The following SNX30 variants were observed in gnomAD, a reference collection of about 807,000 sequenced individuals.
SNX30 encodes sorting nexin family member 30, also known as sorting nexin-30.
SNX30 carries 24 observed loss-of-function variants against 46.4 expected under a neutral mutation model. The observed-to-expected ratio is 0.52, with a 90% CI of 0.37 to 0.73. The LOEUF (loss-of-function observed/expected upper bound fraction) is 0.73. Ranked by LOEUF, SNX30 falls within the 30% of genes least tolerant of loss-of-function variation. SNX30 has a pLI of 0.00. For missense variants in SNX30, 533 were observed against 555.7 expected (o/e 0.96, Z 0.41); for synonymous variants, 189 against 211.5 (o/e 0.89, Z 0.92).
At chr9:112,836,862 C>T (rs1038657809) in intron 5 of SNX30, among the ~76,000 whole-genome samples, 1 of 152,184 alleles carries the variant, frequency 6.6e-6, no homozygotes, top group Non-Finnish European at 1.5e-5. Context: ...AATTGACTCA[C>T]CCACCCCACC....
chr9:112,836,084 G>C, intron 4 of SNX30, 130 bp from the exon 5 acceptor site: 1 of 848,142 alleles, frequency 1.2e-6, no homozygotes, highest in Non-Finnish European at 1.8e-6. Flanking sequence ...TGTGATTAGA[G>C]CCTCTAACTC....
At chr9:112,821,427 G>A (rs574706579) in intron 3 of SNX30, among the ~76,000 whole-genome samples, 2 of 151,718 alleles carry the variant, frequency 1.3e-5, no homozygotes, top group African/African-American at 4.8e-5. Flanking sequence ...ATATATATAT[G>A]TGTGTTTGTA....
At chr9:112,750,644 GTCCT>G (rs1839249135), upstream of SNX30, among the ~76,000 whole-genome samples, 7 of 151,608 alleles carry the variant, frequency 4.6e-5, no homozygotes, top group South Asian at 1.5e-3. Flanking sequence ...CCCTCCCTCC[GTCCT>G]TCCTTCCCCA....
chr9:112,769,188 T>C (rs1361304754), intron 1 of SNX30, among the ~76,000 whole-genome samples: 2 of 152,236 alleles, frequency 1.3e-5, no homozygotes, highest in Admixed American at 1.3e-4. Flanking sequence ...TCTGTTTGTG[T>C]CTGTCCTGCG....
intron 7 of SNX30, among the ~76,000 whole-genome samples, chr9:112,860,612 A>G (rs1841210401): frequency 6.6e-6 from 1 of 152,226 alleles, no homozygotes; most frequent in South Asian, 2.1e-4. Context: ...TGTTAGAGCC[A>G]CAACCCCAGT....
At chr9:112,838,147 C>T (rs1344046157) in intron 5 of SNX30, among the ~76,000 whole-genome samples, 1 of 151,996 alleles carries the variant, frequency 6.6e-6, no homozygotes, top group Non-Finnish European at 1.5e-5. Flanking sequence ...ACCTTGGCCT[C>T]CTAAAGTGCT....
chr9:112,773,608 AAAGG>A (rs1375635779), intron 1 of SNX30, among the ~76,000 whole-genome samples: 2 of 152,198 alleles, frequency 1.3e-5, no homozygotes, highest in Non-Finnish European at 1.5e-5. Context: ...AGATGAAAGA[AAAGG>A]AAGAATGCTT....
chr9:112,753,921 G>T (rs1359805235), intron 1 of SNX30, among the ~76,000 whole-genome samples: 1 of 152,250 alleles, frequency 6.6e-6, no homozygotes, highest in Non-Finnish European at 1.5e-5. Flanking sequence ...AGAGCCAGAA[G>T]AAGGAAGCCT....
intron 1 of SNX30, among the ~76,000 whole-genome samples, chr9:112,783,586 A>G (rs1291330465): frequency 2.6e-5 from 4 of 152,116 alleles, no homozygotes; most frequent in Non-Finnish European, 4.4e-5. Context: ...TGTGGTTTTG[A>G]GTCAACTCAT....
intron 1 of SNX30, among the ~76,000 whole-genome samples, chr9:112,778,625 A>T (rs79816574): frequency 5.8e-4 from 88 of 152,292 alleles, no homozygotes; most frequent in Non-Finnish European, 1.1e-3. Flanking sequence ...ATTCACCAGG[A>T]TGGGTTGATA....
At chr9:112,832,182 T>C (rs1433121652) in intron 4 of SNX30, among the ~76,000 whole-genome samples, 2 of 151,808 alleles carry the variant, frequency 1.3e-5, no homozygotes, top group Admixed American at 1.3e-4. Context: ...TTTCCCCCCC[T>C]ACAGGTTGGA....
At chr9:112,844,282 G>T (rs1286387121) in intron 6 of SNX30, among the ~76,000 whole-genome samples, 4 of 152,224 alleles carry the variant, frequency 2.6e-5, no homozygotes, top group African/African-American at 9.7e-5. Flanking sequence ...GTCCAGGGAG[G>T]AACAGGTGGA....
intron 4 of SNX30, among the ~76,000 whole-genome samples, chr9:112,832,787 TTAAAA>T (rs890656591): frequency 1.6e-4 from 23 of 145,850 alleles, no homozygotes; most frequent in African/African-American, 5.7e-4. Flanking sequence ...AATAAAAAAT[TTAAAA>T]AAAATTAGAA....
chr9:112,789,511 T>C (rs1041623374), intron 1 of SNX30, among the ~76,000 whole-genome samples: 1 of 152,200 alleles, frequency 6.6e-6, no homozygotes, highest in Non-Finnish European at 1.5e-5. Flanking sequence ...CTATATTCTG[T>C]TTTGTTTGGT....
chr9:112,874,412 T>A lies in SNX30; in HGVS notation c.*5569T>A, dbSNP rs1403706731. The A allele has an allele frequency of 2.0e-5, 3 of 152,240 alleles. No individual in the cohort carries two copies. Among genetic ancestry groups the A allele is most frequent in the African/African-American group, 7.2e-5 (3 of 41,470 alleles). The allele number at this position is 152,240 out of a possible 1,614,324, so 9.4% of individuals were successfully genotyped here. ...CCTGTGAAATAAACTGCCAGCAAACTTTCTAACTTGTATTTTAACTGTTAA... is the reference window on the plus strand; with the variant it reads ...CCTGTGAAATAAACTGCCAGCAAACATTCTAACTTGTATTTTAACTGTTAA... On this transcript the variant is annotated 3_prime_UTR_variant, in exon 9 of 9. Coordinates refer to ENST00000374232, the MANE Select transcript of SNX30 (RefSeq NM_001012994.2).
chr9:112,761,685 A>AG (rs1310297515), intron 1 of SNX30, among the ~76,000 whole-genome samples: 1 of 152,048 alleles, frequency 6.6e-6, no homozygotes, highest in Non-Finnish European at 1.5e-5. Context: ...CGTCTTTGAG[A>AG]GGGGGGCGCA....
intron 5 of SNX30, among the ~76,000 whole-genome samples, chr9:112,837,708 CCCAT>C (rs1445531634): frequency 6.6e-6 from 1 of 151,630 alleles, no homozygotes; most frequent in Non-Finnish European, 1.5e-5. Flanking sequence ...ATCTCCTGAC[CCCAT>C]GATCCACCCA....
downstream of SNX30, among the ~76,000 whole-genome samples, chr9:112,876,132 G>T (rs1358501459): frequency 6.6e-6 from 1 of 152,014 alleles, no homozygotes; most frequent in Non-Finnish European, 1.5e-5. Flanking sequence ...ACTGAAGGAC[G>T]GTGTCAGATT....
At chr9:112,879,486 TG>T, downstream of SNX30, 1 of 383,536 alleles carries the variant, frequency 2.6e-6, no homozygotes, top group Non-Finnish European at 4.8e-6. Flanking sequence ...GCAGCCTGCC[TG>T]TAACCCTTAA....
Sources: gnomAD v4.1 joint callset for allele counts (sites outside exome capture counted in the v4.1 genomes callset) on GRCh38, gnomAD v4.1.1 for gene constraint, MANE v1.5 for transcripts, NCBI Gene and HGNC (gene_info 2026-07-23, HGNC 2026-07-21) for gene names.